PRRC2C: variants seen among roughly 807,000 people sequenced by gnomAD.
PRRC2C encodes proline rich coiled-coil 2C, also known as protein PRRC2C.
A neutral mutation model predicts 317.2 loss-of-function variants in PRRC2C; 72 were observed. That is an observed-to-expected ratio of 0.23 (90% confidence interval 0.19 to 0.28). The LOEUF is 0.28. Among genes scored for constraint, PRRC2C ranks in the 10% least tolerant of loss-of-function variants. The pLI is 1.00. For synonymous variants in PRRC2C, 1,296 were observed against 1,205.9 expected (o/e 1.07, Z -1.55); for missense variants, 3,074 against 3,459.7 (o/e 0.89, Z 2.80).
intron 1 of PRRC2C, among the ~76,000 whole-genome samples, chr1:171,492,951 C>T (rs1329935875): frequency 2.6e-5 from 4 of 151,886 alleles, no homozygotes; most frequent in East Asian, 1.9e-4. Context: ...GGGGTTTCAC[C>T]GTGTTGGCCA....
At chr1:171,486,183 C>T (rs34720381) in intron 1 of PRRC2C, among the ~76,000 whole-genome samples, 10,822 of 145,632 alleles carry the variant, frequency 0.074, 538 homozygotes, top group Admixed American at 0.16. Context: ...GGGGCTTTCA[C>T]TGTCTACCTC....
chr1:171,571,001 C>CAGCTTTTT (rs1684686911), intron 23 of PRRC2C, among the ~76,000 whole-genome samples: 1 of 152,178 alleles, frequency 6.6e-6, no homozygotes, highest in Non-Finnish European at 1.5e-5. Context: ...TTTTTATCAG[C>CAGCTTTTT]ATCCTCAGGT....
At chr1:171,580,363 A>G (rs910626056) in intron 28 of PRRC2C, among the ~76,000 whole-genome samples, 18 of 152,376 alleles carry the variant, frequency 1.2e-4, no homozygotes, top group Admixed American at 3.9e-4. Flanking sequence ...AGGGTGGAAT[A>G]TAACAGAACA....
chr1:171,591,336 G>T, intron 34 of PRRC2C: 1 of 732,910 alleles, frequency 1.4e-6, no homozygotes, highest in Non-Finnish European at 1.9e-6. Flanking sequence ...AATATGAGAG[G>T]GCAGACCTTG....
At chr1:171,542,291 C>G in intron 16 of PRRC2C, 62 bp downstream of exon 16, 2 of 1,371,494 alleles carry the variant, frequency 1.5e-6, no homozygotes, top group Non-Finnish European at 1.9e-6. Context: ...AAGTAGAGTT[C>G]TTGGTTGAAT....
At chr1:171,547,497 T>C (rs1435949434) in intron 17 of PRRC2C, among the ~76,000 whole-genome samples, 1 of 152,218 alleles carries the variant, frequency 6.6e-6, no homozygotes, top group Non-Finnish European at 1.5e-5. Flanking sequence ...AATGTTTGAC[T>C]TAGACCTTTC....
Position 171,504,798 on chromosome 1 carries a change from C to T in PRRC2C, c.-57-7234C>T, listed in dbSNP as rs1216017383. 3.3e-5 allele frequency among the ~76,000 whole-genome samples: 5 copies of T among 152,108 alleles called. No homozygotes were observed. In the East Asian group the frequency reaches 9.6e-4, roughly 29 times the overall value. On this transcript the variant is annotated intron_variant, in intron 1 of 34. Transcript: ENST00000647382. ...ATTTCTTTATAAATTTTAGAATCAG[C>T]TTGACAACTTTTGTCCTCCAATAAA...
In PRRC2C at chr1:171,542,313, C is replaced by T. The variant is rs1678085377; in HGVS notation, c.4763+84C>T. The T allele has an allele frequency of 9.0e-6, 11 of 1,216,736 alleles. 1 individual carries two copies. The Admixed American group carries it at 2.3e-4, about 26-fold the overall frequency. The allele number at this position is 1,216,736 out of a possible 1,614,324, so 75.4% of individuals were successfully genotyped here. ...GTTCTTGGTTGAATTATGCAAAGAG[C>T]CAGTCTAGATAAAGGACCAAAAAAC... On this transcript the variant is annotated intron_variant, in intron 16 of 34. Transcript: ENST00000647382.
At position 171,579,347 on chromosome 1, in the gene PRRC2C, TC is replaced by T. The variant is rs766733692; in HGVS notation, c.7160-6del. 4.3e-6 allele frequency: 7 copies of T among 1,612,104 alleles called. No homozygotes were observed. Among genetic ancestry groups the T allele is most frequent in the African/African-American group, 4.0e-5 (3 of 74,914 alleles). On this transcript the variant is annotated splice_polypyrimidine_tract_variant and splice_region_variant and intron_variant, in intron 26 of 34. Transcript: ENST00000647382. ...TACTACTGCTTGTTTATCCTGATGG[TC>T]TACAGCTCAAATCCCAGCCTTCTAT...
chr1:171,580,018 G>T, intron 28 of PRRC2C, 54 bp downstream of exon 28: 1 of 1,377,946 alleles, frequency 7.3e-7, no homozygotes, highest in Non-Finnish European at 9.5e-7. Context: ...TGTAACTGCT[G>T]ATCCTCCTTG....
intron 19 of PRRC2C, 114 bp downstream of exon 19, chr1:171,558,257 T>C: frequency 7.6e-7 from 1 of 1,316,662 alleles, no homozygotes; most frequent in Non-Finnish European, 1.0e-6. Context: ...TTTTTTATTG[T>C]AGGAAAAAGT....
intron 4 of PRRC2C, 68 bp from the exon 5 acceptor site, chr1:171,515,666 T>C: frequency 7.8e-7 from 1 of 1,290,048 alleles, no homozygotes; most frequent in Non-Finnish European, 1.1e-6. Flanking sequence ...AGCTCTATCC[T>C]GGGAGGGTGG....
intron 6 of PRRC2C, among the ~76,000 whole-genome samples, chr1:171,521,800 A>G (rs747354412): frequency 1.6e-4 from 24 of 152,184 alleles, no homozygotes; most frequent in Non-Finnish European, 2.6e-4. Flanking sequence ...TGTTGATACA[A>G]TTACTTTAAT....
chr1:171,512,562 T>TGTATGGGG (rs1671577265), intron 2 of PRRC2C: 2 of 272,982 alleles, frequency 7.3e-6, no homozygotes, highest in Non-Finnish European at 1.4e-5. Flanking sequence ...TTATGTTTCG[T>TGTATGGGG]GTGTGGGGGT....
chr1:171,507,086 A>G (rs901238929), intron 1 of PRRC2C, among the ~76,000 whole-genome samples: 2 of 151,942 alleles, frequency 1.3e-5, no homozygotes, highest in Admixed American at 1.3e-4. Flanking sequence ...GATCTTTTCA[A>G]GTGTAGCTTT....
At chr1:171,563,070 G>T (rs184430143) in intron 20 of PRRC2C, among the ~76,000 whole-genome samples, 8 of 152,178 alleles carry the variant, frequency 5.3e-5, no homozygotes, top group Admixed American at 4.6e-4. Flanking sequence ...GTTACATGAT[G>T]GTCACTGATG....
chr1:171,518,678 TTTTTG>T, intron 6 of PRRC2C, among the ~76,000 whole-genome samples: 1 of 147,374 alleles, frequency 6.8e-6, no homozygotes, highest in African/African-American at 2.5e-5. Context: ...TTTTTTTTTT[TTTTTG>T]GTAGAGATGG....
rs1314854712 is a variant in PRRC2C at position 171,575,110 on chromosome 1, C to T, written c.6937C>T (p.Pro2313Ser). The T allele has an allele frequency of 6.2e-7, 1 of 1,613,418 alleles. No individual in the cohort carries two copies. The highest frequency in any genetic ancestry group is 8.5e-7 in the Non-Finnish European group (1 of 1,179,548). The change falls in exon 25 of 35, where the codon CCT becomes TCT. Residue 2313 changes from proline to serine, a missense_variant. By Grantham distance (74) the Pro-to-Ser change is moderately conservative (BLOSUM62 -1). Around this residue, in one of 11 missense-constraint regions of PRRC2C, gnomAD observed 490 missense variants for 663.1 expected, o/e 0.74. Coordinates refer to ENST00000647382, the MANE Select transcript of PRRC2C (RefSeq NM_001387844.1). ...MPQIPVASVT[P>S]TASLSGAGTY... is the part of the protein sequence containing the mutation. ...CCAGATTCCTGTTGCTTCAGTCACTCCTACAGCATCACTATCAGGTAGAAC... is the reference window on the plus strand; with the variant it reads ...CCAGATTCCTGTTGCTTCAGTCACTTCTACAGCATCACTATCAGGTAGAAC...
rs1677852142 is a variant in PRRC2C at position 171,541,037 on chromosome 1, G to A, written c.3571G>A (p.Gly1191Ser). 6.2e-7 allele frequency: 1 copy of A among 1,613,272 alleles called. No homozygotes were observed. The highest frequency in any genetic ancestry group is 1.1e-5 in the South Asian group (1 of 90,960). The part of the protein sequence containing the change: ...WFPDQGYRGR[G>S]RGEYYSRGRS... ...TCCAGATCAAGGATACAGAGGTCGA[G>A]GCCGAGGTGAATATTACTCCAGAGG... The change falls in exon 16 of 35, where the codon GGC becomes AGC. Residue 1191 changes from glycine to serine, a missense_variant. By Grantham distance (56) the Gly-to-Ser change is moderately conservative. This residue lies in a region of PRRC2C where 1,320 missense variants were observed against 1,395.7 expected (regional missense o/e 0.95). Coordinates refer to ENST00000647382, the MANE Select transcript of PRRC2C (RefSeq NM_001387844.1). This position sits in a 1 kb window ranked among gnomAD's most constrained non-coding sequence, Gnocchi z 4.1.
Sources: gnomAD v4.1 joint callset for allele counts (sites outside exome capture counted in the v4.1 genomes callset) on GRCh38, gnomAD v4.1.1 for gene constraint, gnomAD v4.1.1 regional missense constraint, Gnocchi (gnomAD v3.1) non-coding constraint, MANE v1.5 for transcripts, NCBI Gene and HGNC (gene_info 2026-07-23, HGNC 2026-07-21) for gene names.